Variants in RPS6KC1 observed in about 807,000 individuals in gnomAD.
RPS6KC1 encodes the protein inactive ribosomal protein S6 kinase delta-1.
RPS6KC1 carries 54 observed loss-of-function variants against 103.8 expected under a neutral mutation model. The observed-to-expected ratio is 0.52, with a 90% CI of 0.42 to 0.65. RPS6KC1 has a LOEUF of 0.65. Among genes scored for constraint, RPS6KC1 ranks in the 30% least tolerant of loss-of-function variants. RPS6KC1 has a pLI of 0.00. For synonymous variants in RPS6KC1, 439 were observed against 438.7 expected (o/e 1.00, Z -0.01); for missense variants, 1,151 against 1,253.8 (o/e 0.92, Z 1.24).
At chr1:213,081,923 C>CA (rs1402250597) in intron 3 of RPS6KC1, among the ~76,000 whole-genome samples, 2 of 152,172 alleles carry the variant, frequency 1.3e-5, no homozygotes, top group Non-Finnish European at 2.9e-5. Flanking sequence ...TAGAGCCACC[C>CA]AGCCAAGCCA....
the RPS6KC1 span, among the ~76,000 whole-genome samples, chr1:213,552,500 C>T: frequency 2.5e-4 from 38 of 152,110 alleles, no homozygotes; most frequent in African/African-American, 6.3e-4. Flanking sequence ...ATTTTCCATC[C>T]GTATATCTTC....
the RPS6KC1 span, among the ~76,000 whole-genome samples, chr1:213,789,300 C>G: frequency 6.6e-6 from 1 of 152,060 alleles, no homozygotes; most frequent in African/African-American, 2.4e-5. Context: ...ACTCCGGCAC[C>G]TTGGATACTT....
the RPS6KC1 span, among the ~76,000 whole-genome samples, chr1:213,534,537 A>T: frequency 6.6e-6 from 1 of 152,136 alleles, no homozygotes; most frequent in Non-Finnish European, 1.5e-5. Flanking sequence ...TCCTTCAACC[A>T]CTGCTCTTCT....
intron 8 of RPS6KC1, among the ~76,000 whole-genome samples, chr1:213,208,098 T>G (rs1202375870): frequency 1.3e-5 from 2 of 152,316 alleles, no homozygotes; most frequent in East Asian, 3.9e-4. Context: ...TTTCCCCCAT[T>G]TGCGTATTCT....
the RPS6KC1 span, among the ~76,000 whole-genome samples, chr1:213,319,776 C>T: frequency 1.7e-3 from 253 of 152,310 alleles, no homozygotes; most frequent in Non-Finnish European, 3.0e-3. Flanking sequence ...CTCTCCAAAC[C>T]GTCATCTTTA....
At chr1:213,650,680 C>T in the RPS6KC1 span, among the ~76,000 whole-genome samples, 1 of 152,120 alleles carries the variant, frequency 6.6e-6, no homozygotes, top group Non-Finnish European at 1.5e-5. Context: ...GGACAAGTCT[C>T]CCTTGCCTCC....
intron 6 of RPS6KC1, among the ~76,000 whole-genome samples, chr1:213,166,900 G>C (rs1383264596): frequency 6.6e-6 from 1 of 152,154 alleles, no homozygotes; most frequent in Non-Finnish European, 1.5e-5. Flanking sequence ...TGAAAACACT[G>C]GGATTTCTTT....
chr1:213,149,041 TTTTA>T (rs764530388), intron 6 of RPS6KC1, among the ~76,000 whole-genome samples: 60 of 152,320 alleles, frequency 3.9e-4, no homozygotes, highest in East Asian at 1.3e-3. Context: ...ACATTTCTGA[TTTTA>T]TTTATTTGTA....
chr1:213,364,319 G>A, the RPS6KC1 span, among the ~76,000 whole-genome samples: 1 of 152,172 alleles, frequency 6.6e-6, no homozygotes, highest in South Asian at 2.1e-4. Context: ...ACAAATTGCG[G>A]TACAGCACCC....
At chr1:213,457,045 G>A in the RPS6KC1 span, among the ~76,000 whole-genome samples, 3 of 152,200 alleles carry the variant, frequency 2.0e-5, no homozygotes, top group Admixed American at 6.5e-5. Context: ...ACACAGAAAG[G>A]TTGTAGAATG....
chr1:213,334,241 G>T, the RPS6KC1 span, among the ~76,000 whole-genome samples: 1 of 152,186 alleles, frequency 6.6e-6, no homozygotes, highest in African/African-American at 2.4e-5. Flanking sequence ...GGAAACTGAG[G>T]CACAGAGAGG....
intron 4 of RPS6KC1, among the ~76,000 whole-genome samples, chr1:213,106,174 C>T (rs527530297): frequency 1.3e-5 from 2 of 151,794 alleles, no homozygotes; most frequent in South Asian, 2.1e-4. Context: ...TAGGCGGGAA[C>T]AGGATACTGA....
chr1:213,676,887 C>T, the RPS6KC1 span, among the ~76,000 whole-genome samples: 1 of 152,236 alleles, frequency 6.6e-6, no homozygotes, highest in East Asian at 1.9e-4. Context: ...CTTTTAAATA[C>T]AGGAGGCTCC....
At chr1:213,072,321 A>G (rs545781305) in intron 2 of RPS6KC1, among the ~76,000 whole-genome samples, 12 of 152,094 alleles carry the variant, frequency 7.9e-5, no homozygotes, top group Non-Finnish European at 1.8e-4. Context: ...AATTTTATAC[A>G]TTATCATTTC....
At chr1:213,817,012 A>G in the RPS6KC1 span, among the ~76,000 whole-genome samples, 1 of 152,174 alleles carries the variant, frequency 6.6e-6, no homozygotes. Context: ...AGGGGAGTAA[A>G]TAGAAAGAGA....
the RPS6KC1 span, among the ~76,000 whole-genome samples, chr1:213,718,542 T>C: frequency 1.2e-4 from 19 of 152,226 alleles, no homozygotes; most frequent in Non-Finnish European, 2.5e-4. Context: ...TCTGCATGTT[T>C]ATTGCCATAA....
the RPS6KC1 span, among the ~76,000 whole-genome samples, chr1:213,528,083 T>C: frequency 6.6e-6 from 1 of 152,070 alleles, no homozygotes; most frequent in Non-Finnish European, 1.5e-5. Context: ...AATCCATGTA[T>C]AAGTGGACCC....
At chr1:213,628,315 A>C in the RPS6KC1 span, among the ~76,000 whole-genome samples, 1 of 151,248 alleles carries the variant, frequency 6.6e-6, no homozygotes, top group Non-Finnish European at 1.5e-5. Flanking sequence ...TCTCTCTTTT[A>C]TTCTTTATTA....
At chr1:213,663,090 C>CATT in the RPS6KC1 span, among the ~76,000 whole-genome samples, 1 of 152,216 alleles carries the variant, frequency 6.6e-6, no homozygotes, top group African/African-American at 2.4e-5. Flanking sequence ...TCTGTTGCCC[C>CATT]ATTTGTAAAC....
Sources: gnomAD v4.1 joint callset for allele counts (sites outside exome capture counted in the v4.1 genomes callset) on GRCh38, gnomAD v4.1.1 for gene constraint, MANE v1.5 for transcripts, NCBI Gene and HGNC (gene_info 2026-07-23, HGNC 2026-07-21) for gene names.